Variants in NRG3 observed in about 807,000 individuals in gnomAD.
The protein encoded by NRG3 is pro-neuregulin-3, membrane-bound isoform.
Under a neutral mutation model 66.9 loss-of-function variants are expected in NRG3, and 31 were observed. The ratio of observed to expected loss-of-function variants is 0.46; its 90% CI spans 0.35 to 0.63. The LOEUF is 0.63. NRG3 is among the 20% of genes least tolerant of loss of function. NRG3 has a pLI of 0.00. For synonymous variants in NRG3, 393 were observed against 359.4 expected (o/e 1.09, Z -1.06); for missense variants, 910 against 878.9 (o/e 1.04, Z -0.45).
At chr10:82,686,376 T>C (rs753056030) in intron 2 of NRG3, among the ~76,000 whole-genome samples, 3 of 151,824 alleles carry the variant, frequency 2.0e-5, no homozygotes, top group Admixed American at 6.6e-5. Flanking sequence ...TTAGTAGAGA[T>C]GGGGTTTTGC....
rs141574495 is a variant in NRG3, at chr10:82,785,969, C to T, written c.1027+47319C>T. On this transcript the variant is annotated intron_variant, in intron 3 of 8. Coordinates refer to ENST00000372141, the MANE Select transcript of NRG3 (RefSeq NM_001010848.4). ...TGTGCAGAATGCAACAGCTGTAGGG[C>T]CATGGCGATCTACTCCTAAATTTAA... Among the ~76,000 whole-genome samples, 484 of 152,190 alleles carry T rather than the reference C, an allele frequency of 3.2e-3. 5 individuals are homozygous for T. Among genetic ancestry groups the T allele is most frequent in the African/African-American group, 0.011 (451 of 41,526 alleles).
chr10:82,498,090 G>GT lies in NRG3; in HGVS notation c.953+139233dup, dbSNP rs1207988701. Among the ~76,000 whole-genome samples the GT allele has an allele frequency of 3.4e-3, 493 of 143,996 alleles. 2 individuals are homozygous for GT. The highest frequency in any genetic ancestry group is 7.8e-3 in the African/African-American group (308 of 39,604). The allele number at this position is 143,996 out of a possible 152,430, so 94.5% of individuals were successfully genotyped here. On this transcript the variant is annotated intron_variant, in intron 2 of 8. Transcript: ENST00000372141. ...GCTCATTTTTTAATTGAGTTATTTGGTTTTTTTTTTTCTAATGACTTGTGT... is the reference window on the plus strand; with the variant it reads ...GCTCATTTTTTAATTGAGTTATTTGGTTTTTTTTTTTTCTAATGACTTGTGT...
chr10:82,924,857 TG>T, intron 4 of NRG3, among the ~76,000 whole-genome samples: 3 of 152,296 alleles, frequency 2.0e-5, no homozygotes, highest in Middle Eastern at 6.8e-3. Context: ...AGCCAATCCA[TG>T]TAATTGCTTT....
At chr10:82,540,699 T>C (rs986915593) in intron 2 of NRG3, among the ~76,000 whole-genome samples, 20 of 151,934 alleles carry the variant, frequency 1.3e-4, no homozygotes, top group Admixed American at 1.3e-3. Context: ...TATAAAGATA[T>C]GGAGTATAAT....
rs1036506301 is a variant in NRG3, at chr10:82,487,089, TATATATCTATTATATAG to T, written c.953+128245_953+128261del. On this transcript the variant is annotated intron_variant, in intron 2 of 8. Coordinates refer to ENST00000372141, the MANE Select transcript of NRG3 (RefSeq NM_001010848.4). ...TAATATATGTATATATAATACACTATATATATCTATTATATAGATATATCTATTATATAGATATATAT... is the reference window on the plus strand; with the variant it reads ...TAATATATGTATATATAATACACTATATATATCTATTATATAGATATATAT... Among the ~76,000 whole-genome samples the T allele has an allele frequency of 6.9e-4, 102 of 148,462 alleles. 1 individual carries two copies. The highest frequency in any genetic ancestry group is 2.8e-3 in the Admixed American group (42 of 14,788).
intron 1 of NRG3, among the ~76,000 whole-genome samples, chr10:82,037,805 G>T (rs1048543289): frequency 5.3e-5 from 8 of 151,970 alleles, no homozygotes; most frequent in African/African-American, 1.9e-4. Flanking sequence ...AGAACTAAGG[G>T]GAAAACTGTG....
At chr10:82,871,898 T>C (rs936385717) in intron 4 of NRG3, among the ~76,000 whole-genome samples, 1 of 152,146 alleles carries the variant, frequency 6.6e-6, no homozygotes, top group African/African-American at 2.4e-5. Flanking sequence ...GTGTACATTT[T>C]GTTTCCTTTT....
chr10:82,885,242 A>G (rs1410268580), intron 4 of NRG3, among the ~76,000 whole-genome samples: 1 of 152,212 alleles, frequency 6.6e-6, no homozygotes, highest in African/African-American at 2.4e-5. Context: ...TGAGTTTTCT[A>G]ACACAATTGT....
chr10:82,714,285 T>C (rs1290569923), intron 2 of NRG3, among the ~76,000 whole-genome samples: 1 of 152,068 alleles, frequency 6.6e-6, no homozygotes, highest in Non-Finnish European at 1.5e-5. Flanking sequence ...TACAATATAT[T>C]AACTATACTC....
intron 3 of NRG3, among the ~76,000 whole-genome samples, chr10:82,846,283 G>C (rs1173593962): frequency 1.3e-5 from 2 of 152,120 alleles, no homozygotes; most frequent in African/African-American, 4.8e-5. Flanking sequence ...CTTGGCACAA[G>C]ATTCAGAAGA....
intron 1 of NRG3, among the ~76,000 whole-genome samples, chr10:82,309,768 C>T (rs7907222): frequency 0.16 from 24,158 of 152,050 alleles, 4,420 homozygotes; most frequent in African/African-American, 0.44. Flanking sequence ...ATCACAGTGT[C>T]GGGGAGGTAA....
intron 5 of NRG3, among the ~76,000 whole-genome samples, chr10:82,954,039 G>C (rs1592077576): frequency 6.6e-6 from 1 of 151,682 alleles, no homozygotes; most frequent in Non-Finnish European, 1.5e-5. Context: ...GAGGCTTGCT[G>C]TCGTTAACAC....
At chr10:81,933,844 T>G (rs1046419238) in intron 1 of NRG3, among the ~76,000 whole-genome samples, 1 of 152,124 alleles carries the variant, frequency 6.6e-6, no homozygotes, top group African/African-American at 2.4e-5. Context: ...CACTCATTGT[T>G]TTTTCTATTT....
intron 4 of NRG3, among the ~76,000 whole-genome samples, chr10:82,924,741 A>G (rs1462423038): frequency 6.6e-6 from 1 of 152,180 alleles, no homozygotes; most frequent in Non-Finnish European, 1.5e-5. Flanking sequence ...AGGTAGGAGT[A>G]AGCTTCATGA....
chr10:82,836,048 T>A lies in NRG3; in HGVS notation c.1028-29363T>A, dbSNP rs186859806. The stretch of plus-strand genomic sequence containing the variant: ...AAGCTAAGAATGGTCTTCACATTTT[T>A]AAAAAATCAGAATAATAATATTTTG... On this transcript the variant is annotated intron_variant, in intron 3 of 8. Transcript: ENST00000372141. Among the ~76,000 whole-genome samples the A allele has an allele frequency of 1.6e-3, 247 of 152,270 alleles. 1 individual carries two copies. The highest frequency in any genetic ancestry group is 5.1e-3 in the African/African-American group (211 of 41,572).
chr10:81,955,536 A>C (rs547910671), intron 1 of NRG3, among the ~76,000 whole-genome samples: 1 of 152,326 alleles, frequency 6.6e-6, no homozygotes, highest in African/African-American at 2.4e-5. Context: ...ATGTCCTGTC[A>C]ATCTTGACCT....
At chr10:82,140,834 G>A (rs2069721749) in intron 1 of NRG3, among the ~76,000 whole-genome samples, 1 of 152,126 alleles carries the variant, frequency 6.6e-6, no homozygotes, top group Non-Finnish European at 1.5e-5. Flanking sequence ...GCATCATTTT[G>A]TGCTGCTAAT....
In NRG3 at chr10:82,307,593, G is replaced by A. The variant is rs569047511; in HGVS notation, c.824-51146G>A. ...CTTTACCAGGATGTTTCACAGTGTT[G>A]ACTATTTGAACCAGTTTCCTCAAGC... On this transcript the variant is annotated intron_variant, in intron 1 of 8. Coordinates refer to ENST00000372141, the MANE Select transcript of NRG3 (RefSeq NM_001010848.4). Among the ~76,000 whole-genome samples the A allele has an allele frequency of 2.9e-4, 44 of 152,200 alleles. No individual in the cohort carries two copies. The South Asian group carries it at 8.3e-3, about 29-fold the overall frequency.
chr10:82,716,003 G>T (rs1247439223), intron 2 of NRG3, among the ~76,000 whole-genome samples: 2 of 152,016 alleles, frequency 1.3e-5, no homozygotes, highest in Non-Finnish European at 1.5e-5. Flanking sequence ...GCCTTCCAAA[G>T]GCCACACCTC....
Sources: gnomAD v4.1 joint callset for allele counts (sites outside exome capture counted in the v4.1 genomes callset) on GRCh38, gnomAD v4.1.1 for gene constraint, MANE v1.5 for transcripts, NCBI Gene and HGNC (gene_info 2026-07-23, HGNC 2026-07-21) for gene names.